DSE: variants seen among roughly 807,000 people sequenced by gnomAD.
DSE encodes dermatan-sulfate epimerase.
In DSE, 36 loss-of-function variants were observed where a neutral mutation model predicts 84.4. The ratio of observed to expected loss-of-function variants is 0.43; its 90% CI spans 0.33 to 0.56. The LOEUF (loss-of-function observed/expected upper bound fraction) is 0.56, where lower values mean the gene tolerates loss of function less well. Ranked by LOEUF, DSE falls within the 20% of genes least tolerant of loss-of-function variation. DSE has a pLI of 0.06. For missense variants in DSE, 862 were observed against 1,169.6 expected (o/e 0.74, Z 3.84); for synonymous variants, 410 against 430.1 (o/e 0.95, Z 0.58).
intron 2 of DSE, among the ~76,000 whole-genome samples, chr6:116,417,554 T>G (rs1365219519): frequency 6.6e-6 from 1 of 152,194 alleles, no homozygotes; most frequent in Admixed American, 6.5e-5. Flanking sequence ...ATTTTAGAAT[T>G]TAATATTTGG....
intron 2 of DSE, among the ~76,000 whole-genome samples, chr6:116,266,328 T>G (rs540776592): frequency 1.3e-5 from 2 of 152,102 alleles, no homozygotes; most frequent in African/African-American, 4.8e-5. Flanking sequence ...TAAGAGCCAT[T>G]TGAGGAAGGA....
chr6:116,309,595 T>G (rs995938435), intron 2 of DSE, among the ~76,000 whole-genome samples: 3 of 152,238 alleles, frequency 2.0e-5, no homozygotes, highest in African/African-American at 7.2e-5. Context: ...ACAAAATATC[T>G]GAGACTAGGT....
At chr6:116,385,272 C>T (rs1293877285) in intron 1 of DSE, among the ~76,000 whole-genome samples, 1 of 152,070 alleles carries the variant, frequency 6.6e-6, no homozygotes, top group Non-Finnish European at 1.5e-5. Context: ...AGGTGGGAAG[C>T]CATTAGAGTG....
chr6:116,406,852 A>G (rs994321697), intron 2 of DSE, among the ~76,000 whole-genome samples: 6 of 152,160 alleles, frequency 3.9e-5, no homozygotes, highest in African/African-American at 1.4e-4. Context: ...CGGGGGCCAG[A>G]TCATTGCTTA....
chr6:116,277,019 A>C (rs906667713), intron 2 of DSE: 31 of 152,204 alleles, frequency 2.0e-4, no homozygotes, highest in Admixed American at 1.8e-3. Flanking sequence ...CAAGTTGAAA[A>C]CTGTTATGAC....
At chr6:116,333,797 A>C (rs1777088408) in intron 2 of DSE, among the ~76,000 whole-genome samples, 2 of 152,236 alleles carry the variant, frequency 1.3e-5, no homozygotes, top group Non-Finnish European at 2.9e-5. Context: ...ATTTCTCTTT[A>C]AATTTAAAAA....
At chr6:116,344,458 G>GAAGACAGT (rs1051673893) in intron 2 of DSE, among the ~76,000 whole-genome samples, 1 of 152,216 alleles carries the variant, frequency 6.6e-6, no homozygotes, top group African/African-American at 2.4e-5. Context: ...CTACAAGCCA[G>GAAGACAGT]AAGACAGTGG....
At chr6:116,428,805 T>G (rs1413798635) in intron 3 of DSE, among the ~76,000 whole-genome samples, 3 of 152,258 alleles carry the variant, frequency 2.0e-5, no homozygotes, top group Non-Finnish European at 2.9e-5. Flanking sequence ...TTCAGTAATT[T>G]TCTTCATGTA....
chr6:116,259,326 G>A lies in DSE; in HGVS notation c.-54+359G>A. 6.4e-6 allele frequency: 3 copies of A among 468,978 alleles called. No homozygotes were observed. The South Asian group carries it at 7.2e-5, about 11-fold the overall frequency. 29.1% of individuals were successfully genotyped at this position (468,978 alleles called of 1,614,324 possible). ...AATGGTTATACCTGTAGACTTACCA[G>A]TGTATGAAACTACTGATGCAACTCG... is the stretch of plus-strand genomic sequence containing the variant. On this transcript the variant is annotated intron_variant, in intron 2 of 3. Transcript: ENST00000430252.
chr6:116,361,471 C>T (rs531453498), intron 2 of DSE, among the ~76,000 whole-genome samples: 95 of 152,222 alleles, frequency 6.2e-4, no homozygotes, highest in African/African-American at 2.2e-3. Flanking sequence ...TATTCCTGGA[C>T]TCACAATTTG....
At chr6:116,345,796 C>G (rs1777922662) in intron 2 of DSE, among the ~76,000 whole-genome samples, 1 of 152,034 alleles carries the variant, frequency 6.6e-6, no homozygotes, top group East Asian at 1.9e-4. Flanking sequence ...GATAGAGACA[C>G]AGAAAACCCT....
chr6:116,256,625 T>C (rs1447788952), intron 1 of DSE: 1 of 152,194 alleles, frequency 6.6e-6, no homozygotes, highest in East Asian at 1.9e-4. Context: ...CATAGCAGCT[T>C]CTGTAGCATC....
chr6:116,295,591 C>A (rs1774612154), intron 2 of DSE, among the ~76,000 whole-genome samples: 1 of 152,156 alleles, frequency 6.6e-6, no homozygotes, highest in Admixed American at 6.5e-5. Context: ...TAAAGTAGAG[C>A]TGTCTAGATT....
intron 1 of DSE, chr6:116,254,391 A>ACTGT (rs1772056758): frequency 2.1e-6 from 1 of 472,666 alleles, no homozygotes; most frequent in Non-Finnish European, 4.2e-6. Context: ...AAGGTGAGTT[A>ACTGT]CTGTCTATTC....
At chr6:116,348,932 A>C (rs2516047) in intron 2 of DSE, among the ~76,000 whole-genome samples, 3,361 of 151,490 alleles carry the variant, frequency 0.022, 135 homozygotes, top group African/African-American at 0.078. Flanking sequence ...CAATGAGAAC[A>C]CTTGGACACA....
At chr6:116,421,604 T>C (rs1389058167) in intron 2 of DSE, among the ~76,000 whole-genome samples, 2 of 150,370 alleles carry the variant, frequency 1.3e-5, no homozygotes, top group African/African-American at 2.5e-5. Flanking sequence ...CCTCCTAAGC[T>C]GGGACTTCAG....
At chr6:116,349,473 G>A (rs2498710) in intron 2 of DSE, among the ~76,000 whole-genome samples, 115,139 of 152,150 alleles carry the variant, frequency 0.76, 44,834 homozygotes, top group East Asian at 1. Context: ...AGGGGTAGCC[G>A]GGATTGAGTG....
At chr6:116,280,047 T>C in intron 2 of DSE, 1 of 661,986 alleles carries the variant, frequency 1.5e-6, no homozygotes, top group Non-Finnish European at 2.7e-6. Context: ...TGGGCTTTAT[T>C]TCTGTGAATT....
intron 2 of DSE, among the ~76,000 whole-genome samples, chr6:116,416,184 C>G (rs1044666462): frequency 9.2e-5 from 14 of 152,254 alleles, no homozygotes; most frequent in Middle Eastern, 3.4e-3. Context: ...TTTAAGGACC[C>G]GTGTGACTAG....
Sources: gnomAD v4.1 joint callset for allele counts (sites outside exome capture counted in the v4.1 genomes callset) on GRCh38, gnomAD v4.1.1 for gene constraint, MANE v1.5 for transcripts, NCBI Gene and HGNC (gene_info 2026-07-23, HGNC 2026-07-21) for gene names.